The following SORCS3 variants were observed in gnomAD, a reference collection of about 807,000 sequenced individuals.
SORCS3 encodes the protein VPS10 domain-containing receptor SorCS3.
A neutral mutation model predicts 146.3 loss-of-function variants in SORCS3; 57 were observed. The observed-to-expected ratio is 0.39, with a 90% CI of 0.31 to 0.49. SORCS3 has a LOEUF of 0.49. Among genes scored for constraint, SORCS3 ranks in the 20% least tolerant of loss-of-function variants. The pLI is 0.92. For missense variants in SORCS3, 1,341 were observed against 1,575.5 expected, an observed-to-expected ratio of 0.85 and a Z score of 2.52; for synonymous variants, 653 against 618.5, an observed-to-expected ratio of 1.06 and a Z score of -0.83.
chr10:104,823,913 G>A (rs1564691852), intron 1 of SORCS3, among the ~76,000 whole-genome samples: 1 of 152,210 alleles, frequency 6.6e-6, no homozygotes, highest in Non-Finnish European at 1.5e-5. Context: ...GAGGGAGGAA[G>A]AAAAGTCAGT....
intron 3 of SORCS3, among the ~76,000 whole-genome samples, chr10:104,956,939 A>G (rs565444289): frequency 1.5e-4 from 23 of 152,266 alleles, no homozygotes; most frequent in Non-Finnish European, 1.9e-4. Flanking sequence ...ATCCGATGAC[A>G]CAGCTCTGGT....
intron 6 of SORCS3, 110 bp downstream of exon 6, chr10:105,089,949 T>C (rs2055690548): frequency 3.7e-6 from 3 of 805,696 alleles, no homozygotes; most frequent in East Asian, 2.7e-5. Flanking sequence ...CTGAGCTCCA[T>C]TACAGCCACA....
intron 20 of SORCS3, among the ~76,000 whole-genome samples, chr10:105,224,416 A>T (rs1355355334): frequency 2.0e-5 from 3 of 152,194 alleles, no homozygotes; most frequent in Non-Finnish European, 4.4e-5. Flanking sequence ...GTGTCTTGAT[A>T]GCTCATTTCT....
intron 3 of SORCS3, among the ~76,000 whole-genome samples, chr10:104,920,502 T>A (rs993661550): frequency 2.0e-5 from 3 of 152,198 alleles, no homozygotes; most frequent in Non-Finnish European, 4.4e-5. Context: ...TTTTAAGAGT[T>A]TTATCCACAT....
intron 7 of SORCS3, among the ~76,000 whole-genome samples, chr10:105,138,055 G>A (rs1414862497): frequency 6.6e-6 from 1 of 152,178 alleles, no homozygotes; most frequent in Non-Finnish European, 1.5e-5. Flanking sequence ...ATTCAGAACA[G>A]ATGTTGTATC....
intron 8 of SORCS3, among the ~76,000 whole-genome samples, chr10:105,142,791 TCTC>T (rs1171125285): frequency 6.6e-6 from 1 of 152,148 alleles, no homozygotes; most frequent in Non-Finnish European, 1.5e-5. Context: ...TCAAATAAAA[TCTC>T]CTCTTACCTA....
chr10:104,662,681 C>G (rs547611911), intron 1 of SORCS3, among the ~76,000 whole-genome samples: 1 of 152,258 alleles, frequency 6.6e-6, no homozygotes, highest in South Asian at 2.1e-4. Context: ...TTTCTAGAAG[C>G]CTTCATTGAA....
At chr10:105,160,933 GT>G (rs910138070) in intron 11 of SORCS3, among the ~76,000 whole-genome samples, 5 of 152,134 alleles carry the variant, frequency 3.3e-5, no homozygotes, top group African/African-American at 4.8e-5. Flanking sequence ...CTGTGGGGGT[GT>G]TGTAAAAATT....
At chr10:104,918,316 CA>C (rs960640959) in intron 3 of SORCS3, among the ~76,000 whole-genome samples, 113 of 151,760 alleles carry the variant, frequency 7.4e-4, no homozygotes, top group African/African-American at 2.2e-3. Flanking sequence ...AAAATTGAAG[CA>C]AAAAAAACTC....
chr10:104,863,194 T>G (rs2018424267), intron 2 of SORCS3, among the ~76,000 whole-genome samples: 1 of 152,146 alleles, frequency 6.6e-6, no homozygotes, highest in South Asian at 2.1e-4. Context: ...AGCTGGAAGC[T>G]TTGAGTGGTT....
chr10:104,923,251 T>C (rs2019105925), intron 3 of SORCS3, among the ~76,000 whole-genome samples: 1 of 152,240 alleles, frequency 6.6e-6, no homozygotes, highest in Non-Finnish European at 1.5e-5. Context: ...TTAATTTCTG[T>C]GGCTCATTGG....
At chr10:105,010,585 CT>C (rs2055129046) in intron 4 of SORCS3, among the ~76,000 whole-genome samples, 1 of 152,210 alleles carries the variant, frequency 6.6e-6, no homozygotes, top group Non-Finnish European at 1.5e-5. Context: ...ACCCCAGCTA[CT>C]CTTGCATTCA....
intron 1 of SORCS3, among the ~76,000 whole-genome samples, chr10:104,776,625 G>T (rs2017310917): frequency 6.6e-6 from 1 of 151,934 alleles, no homozygotes; most frequent in African/African-American, 2.4e-5. Context: ...TATATAGTTT[G>T]CAAGGAAGAT....
At chr10:104,713,372 C>T (rs1283070509) in intron 1 of SORCS3, among the ~76,000 whole-genome samples, 1 of 152,136 alleles carries the variant, frequency 6.6e-6, no homozygotes, top group East Asian at 1.9e-4. Context: ...CACCTTTTGT[C>T]CTTTTCTGTG....
intron 8 of SORCS3, among the ~76,000 whole-genome samples, chr10:105,145,008 G>A (rs1275012656): frequency 6.6e-6 from 1 of 151,990 alleles, no homozygotes; most frequent in Non-Finnish European, 1.5e-5. Flanking sequence ...TCATCTGGAG[G>A]GCTTGTTCAG....
At chr10:105,050,977 AC>A (rs1273640414) in intron 5 of SORCS3, among the ~76,000 whole-genome samples, 1 of 152,072 alleles carries the variant, frequency 6.6e-6, no homozygotes, top group African/African-American at 2.4e-5. Flanking sequence ...TATTCCTGAC[AC>A]CTATGCCCAG....
At chr10:105,246,723 A>G (rs1428298027) in intron 21 of SORCS3, among the ~76,000 whole-genome samples, 1 of 152,224 alleles carries the variant, frequency 6.6e-6, no homozygotes, top group Non-Finnish European at 1.5e-5. Flanking sequence ...AGTTTTATGC[A>G]TTACCACAAA....
intron 2 of SORCS3, among the ~76,000 whole-genome samples, chr10:104,890,289 T>G (rs534053230): frequency 6.6e-6 from 1 of 152,170 alleles, no homozygotes; most frequent in Non-Finnish European, 1.5e-5. Flanking sequence ...TTTTAGAGAC[T>G]CTGATTACAA....
At chr10:104,699,888 G>A (rs2016259802) in intron 1 of SORCS3, among the ~76,000 whole-genome samples, 2 of 152,162 alleles carry the variant, frequency 1.3e-5, no homozygotes, top group South Asian at 4.2e-4. Flanking sequence ...ACTGCATCTG[G>A]ATGCAATGTG....
Sources: allele counts gnomAD v4.1 joint callset (sites outside exome capture counted in the v4.1 genomes callset), GRCh38; gene constraint gnomAD v4.1.1; transcripts MANE v1.5; gene names NCBI Gene and HGNC (gene_info 2026-07-23, HGNC 2026-07-21).